The following RBFOX2 variants were observed in gnomAD, a reference collection of about 807,000 sequenced individuals.
The protein encoded by RBFOX2 is RNA binding protein fox-1 homolog 2.
RBFOX2 carries 10 observed loss-of-function variants against 49.1 expected under a neutral mutation model. The observed-to-expected ratio is 0.20, with a 90% CI of 0.13 to 0.35. RBFOX2 has a LOEUF of 0.35. RBFOX2 is among the 10% of genes least tolerant of loss of function. The probability of loss-of-function intolerance (pLI) is 1.00; values close to 1 mark genes in which losing one functional copy is unlikely to be tolerated. For synonymous variants in RBFOX2, 183 were observed against 187.4 expected, an observed-to-expected ratio of 0.98 and a Z score of 0.19; for missense variants, 323 against 486.9, an observed-to-expected ratio of 0.66 and a Z score of 3.17.
rs190743808 is a variant in RBFOX2 at position 35,951,032 on chromosome 22, C to T, written c.42+10531G>A. Among the ~76,000 whole-genome samples, 36 of 150,232 alleles carry T rather than the reference C, an allele frequency of 2.4e-4. No homozygotes were observed. The East Asian group carries it at 6.3e-3, about 26-fold the overall frequency. ...GCAGTGGTACAATCACAGCTCACTG[C>T]AAGTTCCACCTCCCGGGTTCATGCC... is the stretch of plus-strand genomic sequence containing the variant. On this transcript the variant is annotated intron_variant, in intron 1 of 5. Transcript: ENST00000408983.
At chr22:35,787,701 C>G (rs1946701796) in intron 2 of RBFOX2, among the ~76,000 whole-genome samples, 2 of 152,174 alleles carry the variant, frequency 1.3e-5, no homozygotes, top group African/African-American at 4.8e-5. Flanking sequence ...TAAAATTGAT[C>G]TAAGAAAAAT....
intron 2 of RBFOX2, among the ~76,000 whole-genome samples, chr22:35,793,300 G>A (rs556140942): frequency 2.0e-5 from 3 of 152,310 alleles, no homozygotes; most frequent in South Asian, 4.1e-4. Flanking sequence ...TTGAACCCGG[G>A]GGGCAGAGAT....
At chr22:35,874,152 T>C (rs1204238512) in intron 1 of RBFOX2, among the ~76,000 whole-genome samples, 1 of 152,232 alleles carries the variant, frequency 6.6e-6, no homozygotes, top group South Asian at 2.1e-4. Context: ...GCAGTATCAC[T>C]AGTCTCCTCA....
intron 1 of RBFOX2, among the ~76,000 whole-genome samples, chr22:35,927,604 CAAA>C (rs361700): frequency 4.1e-5 from 2 of 49,186 alleles, no homozygotes; most frequent in Admixed American, 2.4e-4. Flanking sequence ...AACTCCGTCT[CAAA>C]AAAAAAAAAA....
chr22:35,926,187 T>C (rs2051615452), intron 1 of RBFOX2, among the ~76,000 whole-genome samples: 2 of 152,182 alleles, frequency 1.3e-5, no homozygotes, highest in African/African-American at 4.8e-5. Context: ...TGAATAAATA[T>C]GTCAAGCTTC....
intron 1 of RBFOX2, among the ~76,000 whole-genome samples, chr22:35,884,390 G>A (rs1012418429): frequency 1.3e-5 from 2 of 152,142 alleles, no homozygotes; most frequent in Admixed American, 1.3e-4. Context: ...AAATCCAGCT[G>A]GGTAAGCTAA....
intron 2 of RBFOX2, among the ~76,000 whole-genome samples, chr22:35,795,888 C>CTAA (rs766799726): frequency 2.0e-5 from 3 of 152,176 alleles, no homozygotes; most frequent in Admixed American, 6.5e-5. Flanking sequence ...TCTTATTGAG[C>CTAA]ATTATTGCTT....
chr22:35,860,822 T>A (rs1392941820), intron 1 of RBFOX2, among the ~76,000 whole-genome samples: 1 of 152,172 alleles, frequency 6.6e-6, no homozygotes, highest in Non-Finnish European at 1.5e-5. Flanking sequence ...ATCAACACAG[T>A]ATATCTCTCC....
At chr22:35,758,320 G>A (rs951401035) in intron 9 of RBFOX2, among the ~76,000 whole-genome samples, 4 of 152,242 alleles carry the variant, frequency 2.6e-5, no homozygotes, top group African/African-American at 9.6e-5. Context: ...ATACTGAAAC[G>A]ACTACATTGA....
chr22:35,872,317 T>C (rs938590725), intron 1 of RBFOX2, among the ~76,000 whole-genome samples: 1 of 152,180 alleles, frequency 6.6e-6, no homozygotes, highest in African/African-American at 2.4e-5. Flanking sequence ...GGTGAGAGTT[T>C]ACAGCTCCTG....
intron 1 of RBFOX2, among the ~76,000 whole-genome samples, chr22:35,950,953 C>CT (rs747849148): frequency 0.02 from 2,580 of 128,090 alleles, 32 homozygotes; most frequent in Non-Finnish European, 0.024. Context: ...GTAAAGAATT[C>CT]TTTTTTTTTT....
exon 12 of RBFOX2, chr22:35,740,480 C>T (rs1345162736): frequency 1.3e-5 from 2 of 152,498 alleles, no homozygotes; most frequent in Non-Finnish European, 2.9e-5. Flanking sequence ...TATCTTAAAA[C>T]AGTGCAAACA....
intron 2 of RBFOX2, among the ~76,000 whole-genome samples, chr22:35,783,680 G>A (rs1173111290): frequency 6.6e-6 from 1 of 152,144 alleles, no homozygotes; most frequent in Non-Finnish European, 1.5e-5. Context: ...GACCTTCCGG[G>A]CCATAAAGAT....
intron 1 of RBFOX2, among the ~76,000 whole-genome samples, chr22:36,006,171 G>C (rs2058610753): frequency 6.6e-6 from 1 of 152,206 alleles, no homozygotes; most frequent in African/African-American, 2.4e-5. Context: ...CTTAAATGTT[G>C]ATAAAAATTT....
exon 7 of RBFOX2, chr22:35,761,439 C>T: frequency 1.2e-6 from 2 of 1,614,210 alleles, no homozygotes; most frequent in Non-Finnish European, 1.7e-6. Flanking sequence ...GGACCATATA[C>T]AGCTCCAACT....
intron 1 of RBFOX2, among the ~76,000 whole-genome samples, chr22:35,849,066 T>C (rs1330854000): frequency 6.6e-6 from 1 of 152,154 alleles, no homozygotes; most frequent in African/African-American, 2.4e-5. Flanking sequence ...GTTACTAATG[T>C]CATCACAAAA....
intron 1 of RBFOX2, among the ~76,000 whole-genome samples, chr22:35,821,088 C>T (rs1018823230): frequency 6.6e-6 from 1 of 152,148 alleles, no homozygotes; most frequent in Non-Finnish European, 1.5e-5. Flanking sequence ...TCAATTCTAG[C>T]AGTCCAAGAT....
At chr22:35,897,351 G>T in intron 1 of RBFOX2, 2 of 1,301,982 alleles carry the variant, frequency 1.5e-6, no homozygotes, top group Non-Finnish European at 2.2e-6. Flanking sequence ...CACCTCAATG[G>T]CCTTGAGTTC....
chr22:35,770,892 C>A (rs1210546669), intron 4 of RBFOX2, among the ~76,000 whole-genome samples: 1 of 152,056 alleles, frequency 6.6e-6, no homozygotes, highest in Non-Finnish European at 1.5e-5. Context: ...AAGAAAGATG[C>A]TTATACACCA....
Sources: allele counts gnomAD v4.1 joint callset (sites outside exome capture counted in the v4.1 genomes callset), GRCh38; gene constraint gnomAD v4.1.1; transcripts MANE v1.5; gene names NCBI Gene and HGNC (gene_info 2026-07-23, HGNC 2026-07-21).